Variants in CUX1 observed in about 807,000 individuals in gnomAD.
CUX1 encodes protein CASP.
Under a neutral mutation model 158.8 loss-of-function variants are expected in CUX1, and 31 were observed. The observed-to-expected ratio is 0.20, with a 90% CI of 0.15 to 0.26. The LOEUF is 0.26. Among genes scored for constraint, CUX1 ranks in the 10% least tolerant of loss-of-function variants. The pLI is 1.00. For synonymous variants in CUX1, 879 were observed against 862.1 expected, an observed-to-expected ratio of 1.02 and a Z score of -0.34; for missense variants, 1,589 against 2,014.6, an observed-to-expected ratio of 0.79 and a Z score of 4.04.
At chr7:102,072,944 T>A (rs1826286376) in intron 4 of CUX1, among the ~76,000 whole-genome samples, 1 of 152,100 alleles carries the variant, frequency 6.6e-6, no homozygotes, top group Non-Finnish European at 1.5e-5. Flanking sequence ...CTTTGACTTT[T>A]TGTTGGTTCC....
At chr7:101,940,018 T>C (rs1036208567) in intron 2 of CUX1, among the ~76,000 whole-genome samples, 8 of 150,892 alleles carry the variant, frequency 5.3e-5, no homozygotes, top group Non-Finnish European at 1.2e-4. Context: ...AGGTGGAGGT[T>C]GCAGTGAGCC....
At position 102,148,999 on chromosome 7, in the gene CUX1, T is replaced by A. The variant is rs142255152; in HGVS notation, c.675-9561T>A. On this transcript the variant is annotated intron_variant, in intron 8 of 23. Coordinates refer to ENST00000292535, the MANE Select transcript of CUX1 (RefSeq NM_181552.4). ...CCATGCAGGTTGTTGTGAATGTCATTAACTCGTTCCTTTTTAGGGCTGAGT... is the reference window on the plus strand; with the variant it reads ...CCATGCAGGTTGTTGTGAATGTCATAAACTCGTTCCTTTTTAGGGCTGAGT... Among the ~76,000 whole-genome samples the A allele has an allele frequency of 3.7e-3, 557 of 152,216 alleles. 5 individuals are homozygous for A. The highest frequency in any genetic ancestry group is 0.013 in the African/African-American group (536 of 41,526).
intron 20 of CUX1, among the ~76,000 whole-genome samples, chr7:102,215,619 G>A (rs1195016143): frequency 6.6e-6 from 1 of 152,174 alleles, no homozygotes; most frequent in Non-Finnish European, 1.5e-5. Context: ...AGATTAGGAG[G>A]ACGTGTAAAA....
chr7:101,878,001 A>C (rs1332367708), intron 1 of CUX1, among the ~76,000 whole-genome samples: 1 of 152,086 alleles, frequency 6.6e-6, no homozygotes, highest in Non-Finnish European at 1.5e-5. Flanking sequence ...CCAGGGACTT[A>C]AGTGTTTGTG....
Position 101,895,210 on chromosome 7 carries a change from G to A in CUX1, c.31-20905G>A, listed in dbSNP as rs372959081. Among the ~76,000 whole-genome samples the A allele has an allele frequency of 2.0e-4, 31 of 152,162 alleles. No homozygotes were observed. In the East Asian group the frequency reaches 5.2e-3, roughly 26 times the overall value. On this transcript the variant is annotated intron_variant, in intron 1 of 23. Transcript: ENST00000292535. ...TAATTTTTGTATTTTTAGTAGAGACGGGGTTTCGCCATTTTGGCCAGGCTG... is the reference window on the plus strand; with the variant it reads ...TAATTTTTGTATTTTTAGTAGAGACAGGGTTTCGCCATTTTGGCCAGGCTG...
At chr7:102,085,415 G>A (rs1231403548) in intron 4 of CUX1, among the ~76,000 whole-genome samples, 1 of 152,204 alleles carries the variant, frequency 6.6e-6, no homozygotes, top group Non-Finnish European at 1.5e-5. Context: ...GGAGGGACCA[G>A]TGGGAGGTAA....
intron 3 of CUX1, among the ~76,000 whole-genome samples, chr7:102,035,683 A>G (rs1397322305): frequency 6.6e-6 from 1 of 151,608 alleles, no homozygotes; most frequent in Non-Finnish European, 1.5e-5. Context: ...ATAGCTAGAA[A>G]TGAATGTAAC....
Position 101,892,551 on chromosome 7 carries a change from G to T in CUX1, c.31-23564G>T, listed in dbSNP as rs768181481. Among the ~76,000 whole-genome samples, 16 of 152,158 alleles carry T rather than the reference G, an allele frequency of 1.1e-4. 1 individual carries two copies. Among genetic ancestry groups the T allele is most frequent in the Non-Finnish European group, 2.2e-4 (15 of 68,034 alleles). On this transcript the variant is annotated intron_variant, in intron 1 of 23. Coordinates refer to ENST00000292535, the MANE Select transcript of CUX1 (RefSeq NM_181552.4). Reference sequence around the variant, plus strand: ...CATTACTACGTTATACGCAGTCTGAGAGTCTGCGTGGATTTTTATTTCACA... The same window carrying T: ...CATTACTACGTTATACGCAGTCTGATAGTCTGCGTGGATTTTTATTTCACA...
At chr7:101,953,960 A>T (rs1809436296) in intron 2 of CUX1, among the ~76,000 whole-genome samples, 1 of 152,164 alleles carries the variant, frequency 6.6e-6, no homozygotes, top group South Asian at 2.1e-4. Context: ...GACCAAGTAA[A>T]TTCAGTATCT....
chr7:102,039,032 C>G (rs1463044505), intron 3 of CUX1, among the ~76,000 whole-genome samples: 1 of 152,232 alleles, frequency 6.6e-6, no homozygotes, highest in African/African-American at 2.4e-5. Flanking sequence ...GAAAACAACC[C>G]AGCCGGCCAT....
At chr7:102,239,084 A>G (rs930573020) in intron 22 of CUX1, among the ~76,000 whole-genome samples, 4 of 152,046 alleles carry the variant, frequency 2.6e-5, no homozygotes, top group Admixed American at 6.5e-5. Context: ...ACGGGGTTTC[A>G]CCATATTGGC....
rs192564398 is a variant in CUX1 at position 102,112,152 on chromosome 7, A to C, written c.607+378A>C. 2.9e-3 allele frequency: 477 copies of C among 162,582 alleles called. 1 individual carries two copies. Among genetic ancestry groups the C allele is most frequent in the Non-Finnish European group, 5.3e-3 (400 of 75,728 alleles). The allele number at this position is 162,582 out of a possible 1,614,324, so 10.1% of individuals were successfully genotyped here. A position where few individuals can be genotyped will look rare whatever the true frequency, so the allele number is the denominator to read the frequency against. ...TTCTACCCTAAGTGAAGTTAAGGAG[A>C]ACAGTAATTTCAGACCTTTAAAATT... On this transcript the variant is annotated intron_variant, in intron 7 of 23. Coordinates refer to ENST00000292535, the MANE Select transcript of CUX1 (RefSeq NM_181552.4).
intron 8 of CUX1, among the ~76,000 whole-genome samples, chr7:102,122,573 AC>A: frequency 6.6e-6 from 1 of 152,188 alleles, no homozygotes; most frequent in Non-Finnish European, 1.5e-5. Context: ...TCTGAATAGT[AC>A]AACCATGACC....
At chr7:102,280,905 C>CCTCTGTCT in intron 20 of CUX1, 1 of 1,574,168 alleles carries the variant, frequency 6.4e-7, no homozygotes, top group Non-Finnish European at 8.7e-7. Context: ...CAGGCCTGAG[C>CCTCTGTCT]CTCTGTCTCC....
chr7:102,250,893 G>C lies in CUX1; in HGVS notation c.*1851G>C. The C allele has an allele frequency of 1.0e-6, 1 of 985,144 alleles. No individual in the cohort carries two copies. Among genetic ancestry groups the C allele is most frequent in the African/African-American group, 1.7e-5 (1 of 57,266 alleles). 61.0% of individuals were successfully genotyped at this position (985,144 alleles called of 1,614,324 possible). On this transcript the variant is annotated 3_prime_UTR_variant, in exon 24 of 24. Coordinates refer to ENST00000292535, the MANE Select transcript of CUX1 (RefSeq NM_181552.4). ...TTCAATAAGCTGTTTTATCAGTTACGGCTTCTACAAGTTTGCTAATTTAGA... is the reference window on the plus strand; with the variant it reads ...TTCAATAAGCTGTTTTATCAGTTACCGCTTCTACAAGTTTGCTAATTTAGA...
intron 3 of CUX1, among the ~76,000 whole-genome samples, chr7:102,053,399 A>G (rs1467897171): frequency 1.3e-5 from 2 of 152,216 alleles, no homozygotes; most frequent in Non-Finnish European, 2.9e-5. Context: ...TCATATGGAA[A>G]TGGAGTATCC....
intron 3 of CUX1, among the ~76,000 whole-genome samples, chr7:102,029,790 C>T (rs896970576): frequency 6.6e-5 from 10 of 152,286 alleles, no homozygotes; most frequent in African/African-American, 2.4e-4. Context: ...ACTTCATCTC[C>T]AAGCCCGTAG....
chr7:102,280,614 G>T (rs1236290206), intron 19 of CUX1, among the ~76,000 whole-genome samples: 1 of 152,024 alleles, frequency 6.6e-6, no homozygotes, highest in African/African-American at 2.4e-5. Context: ...AGATGTCAGG[G>T]GAGTCCAGAA....
downstream of CUX1, among the ~76,000 whole-genome samples, chr7:102,260,821 A>G (rs915461968): frequency 6.6e-6 from 1 of 152,148 alleles, no homozygotes; most frequent in African/African-American, 2.4e-5. Flanking sequence ...ATTGTCTGCA[A>G]TGGTCCTGTG....
Sources: allele counts gnomAD v4.1 joint callset (sites outside exome capture counted in the v4.1 genomes callset), GRCh38; gene constraint gnomAD v4.1.1; transcripts MANE v1.5; gene names NCBI Gene and HGNC (gene_info 2026-07-23, HGNC 2026-07-21).